The following CADPS2 variants were observed in gnomAD, a reference collection of about 807,000 sequenced individuals.
CADPS2 encodes the protein calcium-dependent secretion activator 2.
Under a neutral mutation model 172.5 loss-of-function variants are expected in CADPS2, and 93 were observed. That is an observed-to-expected ratio of 0.54 (90% confidence interval 0.46 to 0.64). CADPS2 has a LOEUF of 0.64. Ranked by LOEUF, CADPS2 falls within the 30% of genes least tolerant of loss-of-function variation. The pLI, the probability that CADPS2 is intolerant of heterozygous loss-of-function variation, is 0.00. For synonymous variants in CADPS2, 546 were observed against 555.2 expected (o/e 0.98, Z 0.23); for missense variants, 1,420 against 1,565.9 (o/e 0.91, Z 1.57).
chr7:122,393,338 G>A (rs2044638059), intron 21 of CADPS2, 23 bp from the exon 22 acceptor site: 2 of 1,613,790 alleles, frequency 1.2e-6, no homozygotes, highest in Non-Finnish European at 1.7e-6. Context: ...AAACAACGTG[G>A]GAAGGGACCA....
At chr7:122,323,184 T>C (rs2032971794) in intron 29 of CADPS2, among the ~76,000 whole-genome samples, 1 of 152,202 alleles carries the variant, frequency 6.6e-6, no homozygotes, top group Non-Finnish European at 1.5e-5. Flanking sequence ...TGAGTTTTAT[T>C]GTGAAAATAA....
chr7:122,771,274 AG>A (rs1324154030), intron 1 of CADPS2, among the ~76,000 whole-genome samples: 1 of 152,216 alleles, frequency 6.6e-6, no homozygotes, highest in Non-Finnish European at 1.5e-5. Flanking sequence ...GCTTTGTAAA[AG>A]GATTAGACTA....
chr7:122,716,026 C>G (rs554908297), intron 2 of CADPS2, among the ~76,000 whole-genome samples: 29 of 152,050 alleles, frequency 1.9e-4, no homozygotes, highest in Non-Finnish European at 3.5e-4. Context: ...GTTCTCATCA[C>G]AAAAAAAGTA....
chr7:122,841,381 T>C (rs1810448276), intron 1 of CADPS2, among the ~76,000 whole-genome samples: 1 of 152,138 alleles, frequency 6.6e-6, no homozygotes, highest in Non-Finnish European at 1.5e-5. Flanking sequence ...ACTAATTATA[T>C]GGAGTTTAAC....
intron 7 of CADPS2, among the ~76,000 whole-genome samples, chr7:122,564,847 GCACACACA>G (rs113078322): frequency 2.6e-4 from 38 of 145,518 alleles, no homozygotes; most frequent in South Asian, 1.1e-3. Context: ...ACACACACAT[GCACACACA>G]CACACACACA....
chr7:122,649,284 G>T (rs777816298), intron 3 of CADPS2, among the ~76,000 whole-genome samples: 7 of 151,958 alleles, frequency 4.6e-5, no homozygotes, highest in African/African-American at 1.7e-4. Flanking sequence ...CCAAAACTCA[G>T]AATTACTGTT....
intron 6 of CADPS2, among the ~76,000 whole-genome samples, chr7:122,591,237 T>C (rs1013945979): frequency 1.3e-5 from 2 of 152,068 alleles, no homozygotes; most frequent in African/African-American, 4.8e-5. Flanking sequence ...CCACTCACAA[T>C]TGCTTCAAAG....
intron 8 of CADPS2, among the ~76,000 whole-genome samples, chr7:122,519,114 CAA>C (rs1375091148): frequency 2.0e-5 from 3 of 151,960 alleles, no homozygotes; most frequent in Non-Finnish European, 4.4e-5. Context: ...AATCCCCAAT[CAA>C]AGTTAAATTT....
chr7:122,605,673 G>A (rs1475465166), intron 6 of CADPS2, among the ~76,000 whole-genome samples: 1 of 151,866 alleles, frequency 6.6e-6, no homozygotes, highest in African/African-American at 2.4e-5. Context: ...CTGATCTTAA[G>A]GATCTAGTCT....
At chr7:122,440,790 T>C (rs1334563411) in intron 16 of CADPS2, among the ~76,000 whole-genome samples, 1 of 152,172 alleles carries the variant, frequency 6.6e-6, no homozygotes, top group African/African-American at 2.4e-5. Context: ...TAGAAATTCA[T>C]TTTAATTCTG....
Position 122,361,019 on chromosome 7 carries a change from A to G in CADPS2, c.3388-6T>C. ...CCTTCCAACACTGAAACAAACTATA[A>G]TACAGTTATAGTGAGTATTTAGAAT... On this transcript the variant is annotated splice_region_variant and splice_polypyrimidine_tract_variant and intron_variant, in intron 25 of 29. Coordinates refer to ENST00000449022, the MANE Select transcript of CADPS2 (RefSeq NM_017954.11). 6.2e-7 allele frequency: 1 copy of G among 1,610,188 alleles called. No homozygotes were observed. Among genetic ancestry groups the G allele is most frequent in the Non-Finnish European group, 8.5e-7 (1 of 1,176,734 alleles).
chr7:122,369,977 C>T (rs1005405454), intron 25 of CADPS2: 4 of 152,252 alleles, frequency 2.6e-5, no homozygotes, highest in African/African-American at 9.7e-5. Context: ...AGACTTTAAG[C>T]TCCTTAGCAC....
intron 3 of CADPS2, among the ~76,000 whole-genome samples, chr7:122,662,272 C>T (rs1436212662): frequency 6.6e-6 from 1 of 151,456 alleles, no homozygotes. Flanking sequence ...ATACCCTCAA[C>T]ATAAACAAAC....
At chr7:122,427,256 A>T (rs1460412588) in intron 17 of CADPS2, 1 of 152,174 alleles carries the variant, frequency 6.6e-6, no homozygotes, top group African/African-American at 2.4e-5. Flanking sequence ...ATATTTAATT[A>T]ACTATTTCTG....
intron 18 of CADPS2, among the ~76,000 whole-genome samples, chr7:122,414,335 T>C (rs551315192): frequency 1.8e-4 from 28 of 152,334 alleles, no homozygotes; most frequent in Middle Eastern, 3.4e-3. Flanking sequence ...TAATTAACAT[T>C]TAATTTTTAG....
At chr7:122,669,283 A>T (rs2081512020) in intron 2 of CADPS2, among the ~76,000 whole-genome samples, 1 of 151,890 alleles carries the variant, frequency 6.6e-6, no homozygotes, top group South Asian at 2.1e-4. Context: ...GTGAGCCATG[A>T]TCACACCACT....
At chr7:122,881,470 T>C (rs1822913840) in intron 1 of CADPS2, among the ~76,000 whole-genome samples, 1 of 152,038 alleles carries the variant, frequency 6.6e-6, no homozygotes, top group Non-Finnish European at 1.5e-5. Context: ...CAGTGTGAGG[T>C]TTTACTTTAA....
chr7:122,854,448 G>C (rs1814622396), intron 1 of CADPS2, among the ~76,000 whole-genome samples: 1 of 152,172 alleles, frequency 6.6e-6, no homozygotes. Flanking sequence ...CAAAGAAGAG[G>C]AAGCAGATGA....
In CADPS2 at chr7:122,438,422, C is replaced by G. The variant is rs118113605; in HGVS notation, c.2395G>C (p.Val799Leu). The change falls in exon 17 of 30, where the codon GTG becomes CTG. Residue 799 changes from valine to leucine, a missense_variant. Transcript: ENST00000449022. The stretch of plus-strand genomic sequence containing the variant: ...AGACATTTTCTGACCACTTTCTTCA[C>G]CTCTTCTGCTGGTATGGGAGTGGCA... ...DIATPIPAEE[V>L]KKVVRKCLEK... 2,107 of 1,613,108 alleles carry G rather than the reference C, an allele frequency of 1.3e-3. 4 individuals carry two copies. Among genetic ancestry groups the G allele is most frequent in the Admixed American group, 2.0e-3 (118 of 59,902 alleles).
Sources: allele counts gnomAD v4.1 joint callset (sites outside exome capture counted in the v4.1 genomes callset), GRCh38; gene constraint gnomAD v4.1.1; transcripts MANE v1.5; gene names NCBI Gene and HGNC (gene_info 2026-07-23, HGNC 2026-07-21).